WBP2NL: variants seen among roughly 807,000 people sequenced by gnomAD.
WBP2NL encodes the protein postacrosomal sheath WW domain-binding protein.
In WBP2NL, 27 loss-of-function variants were observed where a neutral mutation model predicts 23.3. The ratio of observed to expected loss-of-function variants is 1.16; its 90% CI spans 0.85 to 1.60. The LOEUF (loss-of-function observed/expected upper bound fraction) is 1.60, where lower values mean the gene tolerates loss of function less well. WBP2NL is among the 40% of genes most tolerant of loss of function. WBP2NL has a pLI of 0.00. For synonymous variants in WBP2NL, 151 were observed against 145.9 expected (o/e 1.03, Z -0.25); for missense variants, 370 against 389.5 (o/e 0.95, Z 0.42).
chr22:42,024,851 G>T (rs133346), intron 5 of WBP2NL, among the ~76,000 whole-genome samples: 59,497 of 149,390 alleles, frequency 0.4, 14,289 homozygotes, highest in East Asian at 0.84. Context: ...CACCCAGGCT[G>T]GAGTGCAGTG....
In WBP2NL at chr22:42,019,349, C is replaced by T; in HGVS notation, c.101C>T (p.Pro34Leu). Residue 34 changes from proline (P) to leucine (L), a missense_variant, in exon 2 of 6, where the codon CCA (proline) becomes CTA (leucine). Pro to Leu is a moderately conservative substitution (Grantham distance 98). Transcript: ENST00000328823. ...TCTCCGAATGTGGAGCTCTCCTTCC[C>T]ACAGCGATCAGAAGGCTCAAATGTC... ...KRSPNVELSF[P>L]QRSEGSNVFS... 1 of 1,614,140 alleles carries T rather than the reference C, an allele frequency of 6.2e-7. No homozygotes were observed. Among genetic ancestry groups the T allele is most frequent in the Non-Finnish European group, 8.5e-7 (1 of 1,180,018 alleles).
chr22:42,009,590 T>C (rs1314150121), intron 1 of WBP2NL, among the ~76,000 whole-genome samples: 1 of 152,212 alleles, frequency 6.6e-6, no homozygotes, highest in African/African-American at 2.4e-5. Flanking sequence ...CCTCACTGAG[T>C]CATCTTAGTA....
At position 42,001,621 on chromosome 22, in the gene WBP2NL, A is replaced by G. The variant is rs1921695615; in HGVS notation, c.62+2741A>G. 7.9e-6 allele frequency: 9 copies of G among 1,137,716 alleles called. No individual in the cohort carries two copies. In the South Asian group the frequency reaches 1.1e-4, roughly 14 times the overall value. 70.5% of individuals were successfully genotyped at this position (1,137,716 alleles called of 1,614,324 possible). A position where few individuals can be genotyped will look rare whatever the true frequency, so the allele number is the denominator to read the frequency against. On this transcript the variant is annotated intron_variant, in intron 1 of 5. Transcript: ENST00000328823. ...CCCCAGTGGCACCGCCTGATGCCAG[A>G]TTCCCTGCAAAGTAGCGCCAAAACT...
chr22:42,020,848 A>T (rs1923827137), intron 4 of WBP2NL, among the ~76,000 whole-genome samples: 1 of 31,324 alleles, frequency 3.2e-5, no homozygotes, highest in Non-Finnish European at 4.9e-5. Flanking sequence ...TTTTTATCTC[A>T]TATATGTGTG....
intron 1 of WBP2NL, among the ~76,000 whole-genome samples, chr22:42,018,064 G>A (rs1445575721): frequency 2.6e-5 from 4 of 151,126 alleles, no homozygotes; most frequent in African/African-American, 4.9e-5. Context: ...CAGGAGAATC[G>A]TTTGAACCCG....
rs1185662602 is a variant in WBP2NL, at chr22:42,027,151, C to T, written c.900C>T (p.Pro300=). 7 of 1,613,656 alleles carry T rather than the reference C, an allele frequency of 4.3e-6. No individual in the cohort carries two copies. Among genetic ancestry groups the T allele is most frequent in the East Asian group, 2.2e-5 (1 of 44,886 alleles). The change falls in exon 6 of 6, where the codon CCC becomes CCT. Residue 300 remains proline (P), a synonymous_variant. Coordinates refer to ENST00000328823, the MANE Select transcript of WBP2NL (RefSeq NM_152613.3). ...CTCCTGAAAACGAGGCTTCTCTTCC[C>T]TCTGCCTCCTCTTCTCAGGTCCATT... is the stretch of plus-strand genomic sequence containing the variant. The part of the protein sequence containing the change: ...AQAPENEASL[P]SASSSQVHS
chr22:42,037,816 G>A (rs1284144255), downstream of WBP2NL, among the ~76,000 whole-genome samples: 8 of 148,696 alleles, frequency 5.4e-5, no homozygotes, highest in African/African-American at 1.3e-4. Context: ...TACCAGTTTC[G>A]GGGGGAGGTG....
At position 41,998,809 on chromosome 22, in the gene WBP2NL, C is replaced by G. The variant is rs1921201936; in HGVS notation, c.-10C>G. ...TTCCATCTACGGGGCGGCAGGAGGCCCGAAGCAAGATGGCGGTGAATCAGA... is the reference window on the plus strand; with the variant it reads ...TTCCATCTACGGGGCGGCAGGAGGCGCGAAGCAAGATGGCGGTGAATCAGA... On this transcript the variant is annotated 5_prime_UTR_variant, in exon 1 of 6. Transcript: ENST00000328823. 5.0e-6 allele frequency: 8 copies of G among 1,608,050 alleles called. No individual in the cohort carries two copies. Among genetic ancestry groups the G allele is most frequent in the Non-Finnish European group, 5.9e-6 (7 of 1,176,472 alleles).
chr22:42,004,294 T>G (rs987524461), intron 1 of WBP2NL, among the ~76,000 whole-genome samples: 2 of 150,924 alleles, frequency 1.3e-5, no homozygotes, highest in African/African-American at 4.9e-5. Context: ...TAAATAAAAT[T>G]TAAAAAGAAG....
At chr22:42,043,582 A>C (rs936183113) in intron 8 of WBP2NL, among the ~76,000 whole-genome samples, 4 of 152,198 alleles carry the variant, frequency 2.6e-5, no homozygotes, top group Admixed American at 2.6e-4. Flanking sequence ...TTTAAGGGCC[A>C]GTTGTAGGCA....
At chr22:42,001,879 C>G (rs1171079090) in intron 1 of WBP2NL, 13 of 1,487,384 alleles carry the variant, frequency 8.7e-6, no homozygotes, top group African/African-American at 1.4e-5. Context: ...TTGACCCGCT[C>G]GATGGGTGCT....
intron 1 of WBP2NL, among the ~76,000 whole-genome samples, chr22:42,011,154 G>C (rs1280345585): frequency 6.6e-6 from 1 of 152,208 alleles, no homozygotes; most frequent in Non-Finnish European, 1.5e-5. Context: ...CATAAAGTAA[G>C]CCTAGAAGTG....
At chr22:42,046,502 A>G (rs1925592060) in intron 8 of WBP2NL, among the ~76,000 whole-genome samples, 1 of 152,222 alleles carries the variant, frequency 6.6e-6, no homozygotes, top group Non-Finnish European at 1.5e-5. Context: ...ATTTATTGAT[A>G]AACAGTGAAG....
chr22:42,047,518 C>T (rs112935734), intron 8 of WBP2NL, among the ~76,000 whole-genome samples: 23 of 149,958 alleles, frequency 1.5e-4, no homozygotes, highest in African/African-American at 5.1e-4. Context: ...TGAACCTGGG[C>T]GGCGGAGGTT....
chr22:42,003,381 C>T (rs887884673), intron 1 of WBP2NL: 2 of 152,552 alleles, frequency 1.3e-5, no homozygotes, highest in African/African-American at 4.8e-5. Context: ...AATGTGGGTA[C>T]AGTGTTTCCA....
rs1217352406 is a variant in WBP2NL at position 42,022,318 on chromosome 22, G to C, written c.476G>C (p.Gly159Ala). The C allele has an allele frequency of 5.6e-6, 9 of 1,614,080 alleles. No homozygotes were observed. Among genetic ancestry groups the C allele is most frequent in the Admixed American group, 1.7e-5 (1 of 60,018 alleles). ...FSSMGIYVIT[G>A]EGNMCTPQMP... is the part of the protein sequence containing the mutation. ...TCTATGGGAATTTATGTAATTACTGGGGAAGGGAATATGTGCACTCCACAG... is the reference window on the plus strand; with the variant it reads ...TCTATGGGAATTTATGTAATTACTGCGGAAGGGAATATGTGCACTCCACAG... Residue 159 changes from glycine to alanine, a missense_variant, in exon 5 of 6, where the codon GGG (glycine) becomes GCG (alanine). Physicochemically the swap from Gly to Ala is moderately conservative, Grantham distance 60 (BLOSUM62 0). Transcript: ENST00000328823.
At chr22:42,018,894 G>C (rs1027356951) in intron 1 of WBP2NL, among the ~76,000 whole-genome samples, 2 of 142,004 alleles carry the variant, frequency 1.4e-5, no homozygotes, top group African/African-American at 5.2e-5. Flanking sequence ...AGCAGCTAAT[G>C]TTTATTGAGT....
chr22:42,022,507 T>C (rs1471442029), intron 5 of WBP2NL, 151 bp downstream of exon 5: 1 of 684,144 alleles, frequency 1.5e-6, no homozygotes, highest in Non-Finnish European at 2.4e-6. Context: ...GTTTCCAGAC[T>C]GAAACCCAGT....
rs1258631997 is a variant in WBP2NL, at chr22:42,019,689, A to G, written c.199A>G (p.Ser67Gly). The change falls in exon 3 of 6, where the codon AGT (serine) becomes GGT (glycine). Residue 67 changes from serine (S) to glycine (G), a missense_variant. Ser to Gly is a moderately conservative substitution (Grantham distance 56). Coordinates refer to ENST00000328823, the MANE Select transcript of WBP2NL (RefSeq NM_152613.3). ...RVIFITSCSI[S>G]DPMLSFMMPF... is the part of the protein sequence containing the mutation. ...GATTTTCATAACTTCATGCTCCATC[A>G]GTGATCCCATGTTGTCTTTTATGAT... The G allele has an allele frequency of 2.5e-6, 4 of 1,614,054 alleles. No individual in the cohort carries two copies. The highest frequency in any genetic ancestry group is 3.4e-6 in the Non-Finnish European group (4 of 1,180,046).
Sources: gnomAD v4.1 joint callset for allele counts (sites outside exome capture counted in the v4.1 genomes callset) on GRCh38, gnomAD v4.1.1 for gene constraint, MANE v1.5 for transcripts, NCBI Gene and HGNC (gene_info 2026-07-23, HGNC 2026-07-21) for gene names.